The following LAMB1 variants were observed in gnomAD, a reference collection of about 807,000 sequenced individuals.
LAMB1 encodes laminin subunit beta-1.
In LAMB1, 121 loss-of-function variants were observed where a neutral mutation model predicts 222.3. That is an observed-to-expected ratio of 0.54 (90% CI 0.47 to 0.63). The LOEUF (loss-of-function observed/expected upper bound fraction) is 0.63, where lower values mean the gene tolerates loss of function less well. LAMB1 is among the 30% of genes least tolerant of loss of function. LAMB1 has a pLI of 0.00. For missense variants in LAMB1, 2,172 were observed against 2,240.8 expected, an observed-to-expected ratio of 0.97 and a Z score of 0.62; for synonymous variants, 794 against 807.2, an observed-to-expected ratio of 0.98 and a Z score of 0.28.
At chr7:107,930,085 GA>G in intron 29 of LAMB1, 1 of 159,874 alleles carries the variant, frequency 6.3e-6, no homozygotes. Flanking sequence ...GAATAGCTCA[GA>G]AACTTGTGAA....
chr7:107,959,505 C>A lies in LAMB1; in HGVS notation c.2459-25G>T, dbSNP rs1199135921. The A allele has an allele frequency of 8.1e-6, 13 of 1,613,034 alleles. No individual in the cohort carries two copies. The East Asian group carries it at 2.5e-4, about 30-fold the overall frequency. On this transcript the variant is annotated intron_variant, in intron 19 of 33. Coordinates refer to ENST00000222399, the MANE Select transcript of LAMB1 (RefSeq NM_002291.3). ...GCTAAAGAAACAGGCAAACAAGGAA[C>A]TGCCTTGAGAAACTCATTCAATGGA... is the stretch of plus-strand genomic sequence containing the variant.
At chr7:107,990,729 A>G (rs1260117564) in intron 5 of LAMB1, among the ~76,000 whole-genome samples, 1 of 152,240 alleles carries the variant, frequency 6.6e-6, no homozygotes, top group Non-Finnish European at 1.5e-5. Flanking sequence ...GACTGCCCTT[A>G]GAAAACAGGG....
chr7:107,997,750 G>T (rs996650911), intron 4 of LAMB1, among the ~76,000 whole-genome samples: 1 of 152,122 alleles, frequency 6.6e-6, no homozygotes, highest in Non-Finnish European at 1.5e-5. Flanking sequence ...CACAGCAATA[G>T]TAAAATCATA....
At chr7:107,933,230 T>G (rs893975239) in intron 27 of LAMB1, among the ~76,000 whole-genome samples, 3 of 152,172 alleles carry the variant, frequency 2.0e-5, no homozygotes, top group African/African-American at 7.2e-5. Flanking sequence ...GAAAATTGCA[T>G]TTAGAGCTGT....
chr7:107,964,822 C>T, intron 13 of LAMB1, 135 bp from the exon 14 acceptor site: 1 of 1,024,508 alleles, frequency 9.8e-7, no homozygotes, highest in South Asian at 1.7e-5. Flanking sequence ...TCAGAAAATA[C>T]ATATGTGGAA....
intron 7 of LAMB1, among the ~76,000 whole-genome samples, chr7:107,985,028 T>C (rs2034047224): frequency 6.6e-6 from 1 of 152,188 alleles, no homozygotes; most frequent in Non-Finnish European, 1.5e-5. Flanking sequence ...TTTGAACAAC[T>C]AGATTTGGGG....
At chr7:107,963,873 C>T (rs960073981) in intron 14 of LAMB1, among the ~76,000 whole-genome samples, 6 of 152,156 alleles carry the variant, frequency 3.9e-5, no homozygotes, top group South Asian at 4.1e-4. Context: ...CCAAGGCGGG[C>T]GGATCACCTG....
At chr7:107,959,100 TAAAC>T (rs2033437928) in intron 20 of LAMB1, 145 bp downstream of exon 20, 1 of 688,966 alleles carries the variant, frequency 1.5e-6, no homozygotes, top group South Asian at 1.8e-5. Context: ...ATGTACTGGA[TAAAC>T]AAACAAGATC....
intron 27 of LAMB1, among the ~76,000 whole-genome samples, chr7:107,933,337 C>CA (rs1258786450): frequency 6.6e-6 from 1 of 151,908 alleles, no homozygotes; most frequent in Non-Finnish European, 1.5e-5. Flanking sequence ...TTAAAAAGTA[C>CA]AAAAAAGTAG....
chr7:108,002,501 G>C (rs1409358036), intron 2 of LAMB1: 1 of 1,156,552 alleles, frequency 8.6e-7, no homozygotes, highest in Non-Finnish European at 1.1e-6. Context: ...GATTTTTGGA[G>C]AGCCCTCCTC....
At chr7:107,957,045 A>G (rs79476962) in intron 20 of LAMB1, among the ~76,000 whole-genome samples, 6,502 of 152,258 alleles carry the variant, frequency 0.043, 205 homozygotes, top group Middle Eastern at 0.082. Context: ...TAACATCTTG[A>G]AGGAACTTTG....
At chr7:107,981,238 G>C (rs1249631005) in intron 7 of LAMB1, among the ~76,000 whole-genome samples, 1 of 152,146 alleles carries the variant, frequency 6.6e-6, no homozygotes, top group Non-Finnish European at 1.5e-5. Flanking sequence ...CCTGAGGTCA[G>C]GAGTTCAAAA....
Position 107,963,004 on chromosome 7 carries a change from G to A in LAMB1, c.1758C>T (p.Ala586=), listed in dbSNP as rs149115420. 187 of 1,613,892 alleles carry A rather than the reference G, an allele frequency of 1.2e-4. No homozygotes were observed. Among genetic ancestry groups the A allele is most frequent in the African/African-American group, 5.6e-4 (42 of 74,916 alleles). The change falls in exon 15 of 34, where the codon GCC becomes GCT. Residue 586 remains alanine (A), a synonymous_variant. Transcript: ENST00000222399. ...IQDRIPSWTG[A]GFVRVPEGAY... The stretch of plus-strand genomic sequence containing the variant: ...CCCCTTCAGGCACTCGGACGAAGCC[G>A]GCTCCAGTCCAGGAGGGAATCCGGT...
chr7:107,958,682 C>G (rs1270523918), intron 20 of LAMB1, among the ~76,000 whole-genome samples: 1 of 152,138 alleles, frequency 6.6e-6, no homozygotes, highest in African/African-American at 2.4e-5. Flanking sequence ...ATCTATTGAG[C>G]TATCCTATTA....
chr7:108,001,343 A>C (rs1209142595), intron 3 of LAMB1, among the ~76,000 whole-genome samples: 1 of 152,202 alleles, frequency 6.6e-6, no homozygotes, highest in Non-Finnish European at 1.5e-5. Flanking sequence ...CTGCCTTTCC[A>C]TACTCACCGC....
chr7:107,940,565 A>C (rs1584491275), intron 24 of LAMB1: 2 of 574,720 alleles, frequency 3.5e-6, no homozygotes, highest in Non-Finnish European at 6.2e-6. Context: ...TAGCAGTAAT[A>C]ATACTTTAAA....
chr7:107,925,084 A>T (rs1366356652), intron 32 of LAMB1, among the ~76,000 whole-genome samples: 3 of 152,126 alleles, frequency 2.0e-5, no homozygotes, highest in Non-Finnish European at 2.9e-5. Context: ...CAGAAAAGAC[A>T]GCTGTCTGAT....
chr7:107,961,597 G>A lies in LAMB1; in HGVS notation c.1937C>T (p.Thr646Ile), dbSNP rs151296677. 4.3e-6 allele frequency: 7 copies of A among 1,613,954 alleles called. No homozygotes were observed. The South Asian group carries it at 7.7e-5, about 18-fold the overall frequency. Reference sequence around the variant, plus strand: ...CACCTGGTTGTCATCATCGGGGATGGTATTACCACATCGGCTGCTGGTTGG... The same window carrying A: ...CACCTGGTTGTCATCATCGGGGATGATATTACCACATCGGCTGCTGGTTGG... ...RIPTSSRCGN[T>I]IPDDDNQVVS... is the part of the protein sequence containing the mutation. Residue 646 changes from threonine to isoleucine, a missense_variant, in exon 16 of 34, where the codon ACC (threonine) becomes ATC (isoleucine). By Grantham distance (89) the Thr-to-Ile change is moderately conservative. Coordinates refer to ENST00000222399, the MANE Select transcript of LAMB1 (RefSeq NM_002291.3).
intron 22 of LAMB1, 131 bp downstream of exon 22, chr7:107,953,399 A>T (rs564914457): frequency 4.3e-5 from 31 of 727,002 alleles, no homozygotes; most frequent in Middle Eastern, 3.9e-4. Flanking sequence ...TCCTTAGTTG[A>T]AAGTGAAATT....
Sources: gnomAD v4.1 joint callset for allele counts (sites outside exome capture counted in the v4.1 genomes callset) on GRCh38, gnomAD v4.1.1 for gene constraint, MANE v1.5 for transcripts, NCBI Gene and HGNC (gene_info 2026-07-23, HGNC 2026-07-21) for gene names.